HIGD1A: variants seen among roughly 807,000 people sequenced by gnomAD.
The protein encoded by HIGD1A is HIG1 domain family member 1A, mitochondrial.
Under a neutral mutation model 11.3 loss-of-function variants are expected in HIGD1A, and 8 were observed. That is an observed-to-expected ratio of 0.71 (90% CI 0.42 to 1.28). HIGD1A has a LOEUF of 1.28. Among genes scored for constraint, HIGD1A ranks in the 50% most tolerant of loss-of-function variants. The pLI is 0.01. For missense variants in HIGD1A, 107 were observed against 118.8 expected (o/e 0.90, Z 0.46); for synonymous variants, 32 against 38.4 (o/e 0.83, Z 0.62).
At chr3:42,787,689 T>C (rs1248859301) in intron 2 of HIGD1A, among the ~76,000 whole-genome samples, 1 of 148,468 alleles carries the variant, frequency 6.7e-6, no homozygotes, top group Non-Finnish European at 1.5e-5. Flanking sequence ...GGAGCAAAAA[T>C]TGTTAGGAAC....
At chr3:42,789,608 G>A (rs1478038049) in intron 2 of HIGD1A, among the ~76,000 whole-genome samples, 1 of 145,776 alleles carries the variant, frequency 6.9e-6, no homozygotes, top group African/African-American at 2.5e-5. Flanking sequence ...CACGAAAGAT[G>A]AAACTATGTG....
At chr3:42,801,709 A>C (rs1306514592) in intron 1 of HIGD1A, among the ~76,000 whole-genome samples, 1 of 152,236 alleles carries the variant, frequency 6.6e-6, no homozygotes, top group Non-Finnish European at 1.5e-5. Context: ...AAGAGAAATA[A>C]CCTGAGGTCT....
At chr3:42,791,940 T>C (rs1440291408) in intron 2 of HIGD1A, among the ~76,000 whole-genome samples, 1 of 152,220 alleles carries the variant, frequency 6.6e-6, no homozygotes, top group Non-Finnish European at 1.5e-5. Flanking sequence ...CAAAACATTG[T>C]ATATCTACAA....
intron 2 of HIGD1A, 84 bp downstream of exon 2, chr3:42,794,073 T>C (rs1301187395): frequency 6.7e-6 from 9 of 1,348,680 alleles, no homozygotes; most frequent in African/African-American, 1.5e-5. Flanking sequence ...AAATGGAAAA[T>C]ACATTCTTTC....
intron 2 of HIGD1A, among the ~76,000 whole-genome samples, chr3:42,791,205 C>A (rs192389770): frequency 1.1e-4 from 16 of 152,196 alleles, no homozygotes; most frequent in Non-Finnish European, 1.8e-4. Context: ...AGTATCCATA[C>A]GGAAAATAAG....
intron 1 of HIGD1A, among the ~76,000 whole-genome samples, chr3:42,800,372 A>C (rs536028808): frequency 2.0e-4 from 30 of 152,126 alleles, no homozygotes; most frequent in African/African-American, 7.2e-4. Flanking sequence ...AGAAAAAAAA[A>C]ACATGACCTT....
At chr3:42,786,462 G>A (rs903783503) in intron 2 of HIGD1A, among the ~76,000 whole-genome samples, 2 of 152,114 alleles carry the variant, frequency 1.3e-5, no homozygotes, top group Non-Finnish European at 2.9e-5. Flanking sequence ...TTATCAGAAC[G>A]AAAGTGTGCC....
In HIGD1A at chr3:42,802,775, G is replaced by A. The variant is rs373535803; in HGVS notation, c.-23+1661C>T. On this transcript the variant is annotated intron_variant, in intron 1 of 3. Transcript: ENST00000321331. ...GTACAAGGAATACATGTCTGGTGGG[G>A]TAGGATTAGAATCCAGCTCTTCTGA... 5.9e-5 allele frequency among the ~76,000 whole-genome samples: 9 copies of A among 152,304 alleles called. No homozygotes were observed. In the East Asian group the frequency reaches 1.4e-3, roughly 23 times the overall value.
intron 2 of HIGD1A, among the ~76,000 whole-genome samples, chr3:42,792,481 G>A (rs149174407): frequency 0.012 from 1,759 of 151,120 alleles, 13 homozygotes; most frequent in Admixed American, 0.02. Flanking sequence ...AGATCATCCT[G>A]GCTAACACGG....
In HIGD1A at chr3:42,786,105, C is replaced by T; in HGVS notation, c.155G>A (p.Gly52Glu). Residue 52 changes from glycine to glutamate, a missense_variant, in exon 3 of 4, where the codon GGA becomes GAA. Coordinates refer to ENST00000321331, the MANE Select transcript of HIGD1A (RefSeq NM_014056.4). The stretch of plus-strand genomic sequence containing the variant: ...CAGATGAATGGACATTTTAGTATTT[C>T]CCCTGCTCTTCAGTTTATATAATCC... ...AYGLYKLKSR[G>E]NTKMSIHLIH... is the part of the protein sequence containing the mutation. The T allele has an allele frequency of 6.2e-7, 1 of 1,613,936 alleles. No homozygotes were observed. The highest frequency in any genetic ancestry group is 8.5e-7 in the Non-Finnish European group (1 of 1,179,946).
intron 2 of HIGD1A, among the ~76,000 whole-genome samples, chr3:42,787,602 T>C (rs184290725): frequency 1.2e-5 from 1 of 83,332 alleles, no homozygotes; most frequent in African/African-American, 3.6e-5. Flanking sequence ...AAAATATATA[T>C]ATATATATAT....
intron 2 of HIGD1A, among the ~76,000 whole-genome samples, chr3:42,787,626 T>G (rs1311005620): frequency 1.4e-5 from 2 of 145,624 alleles, no homozygotes; most frequent in Non-Finnish European, 3.0e-5. Context: ...TATATAAATT[T>G]TTAAAGTCAT....
intron 2 of HIGD1A, among the ~76,000 whole-genome samples, chr3:42,793,422 T>G (rs1428018619): frequency 6.6e-6 from 1 of 152,148 alleles, no homozygotes; most frequent in Non-Finnish European, 1.5e-5. Context: ...ACATATCACA[T>G]CAGTACTGAA....
At chr3:42,789,200 C>T (rs1700389329) in intron 2 of HIGD1A, among the ~76,000 whole-genome samples, 1 of 151,854 alleles carries the variant, frequency 6.6e-6, no homozygotes, top group African/African-American at 2.4e-5. Context: ...GCCAACCACA[C>T]CCGGCTAATT....
chr3:42,801,966 G>A (rs927545986), intron 1 of HIGD1A, among the ~76,000 whole-genome samples: 11 of 152,176 alleles, frequency 7.2e-5, no homozygotes, highest in Admixed American at 1.3e-4. Flanking sequence ...GAAAGTGGAG[G>A]TTGCGGTGAG....
chr3:42,788,569 G>A (rs530219880), intron 2 of HIGD1A, among the ~76,000 whole-genome samples: 2 of 152,152 alleles, frequency 1.3e-5, no homozygotes, highest in South Asian at 4.2e-4. Context: ...ACAAATCCCT[G>A]ATACCAAAAC....
chr3:42,800,687 A>G (rs1279708189), intron 1 of HIGD1A, among the ~76,000 whole-genome samples: 4 of 151,398 alleles, frequency 2.6e-5, no homozygotes, highest in Admixed American at 2.6e-4. Context: ...CTCCATAATT[A>G]TCAGAATTAT....
chr3:42,795,773 T>C (rs1225975951), intron 1 of HIGD1A, among the ~76,000 whole-genome samples: 1 of 152,066 alleles, frequency 6.6e-6, no homozygotes, highest in Non-Finnish European at 1.5e-5. Flanking sequence ...CAAAGGCTCC[T>C]TTCCTCCTTT....
rs939764566 is a variant in HIGD1A, at chr3:42,784,208, G to A, written c.*1063C>T. 3.3e-5 allele frequency: 5 copies of A among 151,894 alleles called. No individual in the cohort carries two copies. Among genetic ancestry groups the A allele is most frequent in the Admixed American group, 1.3e-4 (2 of 15,246 alleles). The allele number at this position is 151,894 out of a possible 1,614,324, so 9.4% of individuals were successfully genotyped here. On this transcript the variant is annotated 3_prime_UTR_variant, in exon 4 of 4. Transcript: ENST00000321331. Reference sequence around the variant, plus strand: ...AAACAGAAAGGAGAACATGATTAGAGAACAACAACAAAAAAGACAATTTCC... The same window carrying A: ...AAACAGAAAGGAGAACATGATTAGAAAACAACAACAAAAAAGACAATTTCC...
Sources: gnomAD v4.1 joint callset for allele counts (sites outside exome capture counted in the v4.1 genomes callset) on GRCh38, gnomAD v4.1.1 for gene constraint, MANE v1.5 for transcripts, NCBI Gene and HGNC (gene_info 2026-07-23, HGNC 2026-07-21) for gene names.